CRTC1: variants seen among roughly 807,000 people sequenced by gnomAD.
CRTC1 encodes CREB-regulated transcription coactivator 1.
Under a neutral mutation model 66.1 loss-of-function variants are expected in CRTC1, and 18 were observed. The observed-to-expected ratio is 0.27, with a 90% CI of 0.19 to 0.40. CRTC1 has a LOEUF of 0.40. Ranked by LOEUF, CRTC1 falls within the 10% of genes least tolerant of loss-of-function variation. CRTC1 has a pLI of 1.00. For missense variants in CRTC1, 669 were observed against 887.9 expected, an observed-to-expected ratio of 0.75 and a Z score of 3.13; for synonymous variants, 416 against 398.8, an observed-to-expected ratio of 1.04 and a Z score of -0.51.
At chr19:18,770,853 TGTGGGTGTGCATGC>T (rs1275680844) in intron 10 of CRTC1, among the ~76,000 whole-genome samples, 1 of 148,772 alleles carries the variant, frequency 6.7e-6, no homozygotes, top group Non-Finnish European at 1.5e-5. Flanking sequence ...TGCATGTGGG[TGTGGGTGTGCATGC>T]GTGGGTGTGT....
In CRTC1 at chr19:18,744,468, G is replaced by A. The variant is rs552808958; in HGVS notation, c.244-1355G>A. On this transcript the variant is annotated intron_variant, in intron 2 of 13. Transcript: ENST00000321949. ...CATGTGCCCCAAAGCTGCATGGTCC[G>A]TCCCTATATACACACACACACAAAC... Among the ~76,000 whole-genome samples, 7 of 151,226 alleles carry A rather than the reference G, an allele frequency of 4.6e-5. No individual in the cohort carries two copies. In the South Asian group the frequency reaches 8.4e-4, roughly 18 times the overall value.
In CRTC1 at chr19:18,760,332, TGGG is replaced by T; in HGVS notation, c.886+107_886+109del. The T allele has an allele frequency of 3.0e-6, 3 of 989,760 alleles. No homozygotes were observed. The highest frequency in any genetic ancestry group is 4.5e-6 in the Non-Finnish European group (3 of 666,222). 61.3% of individuals were successfully genotyped at this position (989,760 alleles called of 1,614,324 possible). A position where few individuals can be genotyped will look rare whatever the true frequency, so the allele number is the denominator to read the frequency against. ...GAGTCCCGTTCCAAATACTAGGGCA[TGGG>T]GGACAGGGCTGGGGGGCGGCCGACA... On this transcript the variant is annotated intron_variant, in intron 8 of 13. Coordinates refer to ENST00000321949, the MANE Select transcript of CRTC1 (RefSeq NM_015321.3). The surrounding 1 kb of genome is among the most constrained non-coding windows in gnomAD (Gnocchi z 6.2).
At chr19:18,684,000 G>T (rs2052625954) in intron 1 of CRTC1, among the ~76,000 whole-genome samples, 172 bp downstream of exon 1, 1 of 150,062 alleles carries the variant, frequency 6.7e-6, no homozygotes, top group Non-Finnish European at 1.5e-5. Context: ...CGCCCCGGGC[G>T]TCGTGGGCGG....
intron 1 of CRTC1, among the ~76,000 whole-genome samples, chr19:18,689,217 G>A (rs961294151): frequency 6.6e-6 from 1 of 151,852 alleles, no homozygotes; most frequent in Non-Finnish European, 1.5e-5. Context: ...AAAGTGCTGC[G>A]ATTGCAGGTG....
At chr19:18,758,429 C>T (rs1462356110) in intron 6 of CRTC1, among the ~76,000 whole-genome samples, 1 of 152,004 alleles carries the variant, frequency 6.6e-6, no homozygotes, top group African/African-American at 2.4e-5. Flanking sequence ...TTCAAAGGCT[C>T]TGTGGGCCAC....
chr19:18,753,402 A>C (rs989311478), intron 5 of CRTC1, 98 bp from the exon 6 acceptor site: 1 of 842,124 alleles, frequency 1.2e-6, no homozygotes, highest in Admixed American at 2.2e-5. Flanking sequence ...TACCATGGCC[A>C]TGACTCCGTG....
At chr19:18,742,850 G>A (rs1160757301) in intron 1 of CRTC1, 60 bp from the exon 2 acceptor site, 5 of 1,267,648 alleles carry the variant, frequency 3.9e-6, no homozygotes, top group African/African-American at 1.5e-5. Context: ...TTTGGGGCTG[G>A]CACTCTGAGG....
At chr19:18,707,168 GTA>G (rs1215165484) in intron 1 of CRTC1, among the ~76,000 whole-genome samples, 9 of 152,068 alleles carry the variant, frequency 5.9e-5, no homozygotes, top group Non-Finnish European at 1.2e-4. Flanking sequence ...TATAGTTTTA[GTA>G]TATATAGTTT....
intron 5 of CRTC1, among the ~76,000 whole-genome samples, chr19:18,752,999 C>T (rs998850365): frequency 4.0e-5 from 6 of 151,506 alleles, no homozygotes; most frequent in African/African-American, 9.7e-5. Flanking sequence ...GGCACGGTGG[C>T]GCACACCTGT....
Position 18,779,252 on chromosome 19 carries a change from C to G in CRTC1, c.*1870C>G, listed in dbSNP as rs1003351869. On this transcript the variant is annotated 3_prime_UTR_variant, in exon 14 of 14. Transcript: ENST00000321949. ...TCTGTCCTCAGAGCTGGGTTTGATCCTAGCAACCATCCCTTCCTCTCTTTG... is the reference window on the plus strand; with the variant it reads ...TCTGTCCTCAGAGCTGGGTTTGATCGTAGCAACCATCCCTTCCTCTCTTTG... The G allele has an allele frequency of 1.7e-5, 4 of 230,162 alleles. No individual in the cohort carries two copies. Among genetic ancestry groups the G allele is most frequent in the Admixed American group, 1.7e-4 (3 of 17,666 alleles). The allele number at this position is 230,162 out of a possible 1,614,324, so 14.3% of individuals were successfully genotyped here.
At position 18,743,029 on chromosome 19, in the gene CRTC1, G is replaced by A. The variant is rs747419096; in HGVS notation, c.243+3G>A. On this transcript the variant is annotated splice_donor_region_variant and intron_variant, in intron 2 of 13. Coordinates refer to ENST00000321949, the MANE Select transcript of CRTC1 (RefSeq NM_015321.3). ...GCACCATGGACCTGCCCTTCCAGGT[G>A]AGTGCCCCGCCCCCTGGCCCTGCCC... 6 of 1,606,194 alleles carry A rather than the reference G, an allele frequency of 3.7e-6. No individual in the cohort carries two copies. The South Asian group carries it at 4.4e-5, about 12-fold the overall frequency.
rs1228983993 is a variant in CRTC1 at position 18,741,103 on chromosome 19, C to G, written c.127-1807C>G. On this transcript the variant is annotated intron_variant, in intron 1 of 13. Transcript: ENST00000321949. This position sits in a 1 kb window ranked among gnomAD's most constrained non-coding sequence, Gnocchi z 4.2. ...GGGGCTGTGCTCCGAAGCCTGAGTG[C>G]CTCCAGCAAAGTGGACAGGAGCTGG... Among the ~76,000 whole-genome samples the G allele has an allele frequency of 6.6e-6, 1 of 152,190 alleles. No individual in the cohort carries two copies. The highest frequency in any genetic ancestry group is 1.5e-5 in the Non-Finnish European group (1 of 68,020).
intron 11 of CRTC1, among the ~76,000 whole-genome samples, chr19:18,774,295 G>A (rs2145863842): frequency 6.6e-6 from 1 of 152,320 alleles, no homozygotes; most frequent in South Asian, 2.1e-4. Context: ...TCAAGGGACA[G>A]CCCCTGTCAC....
At chr19:18,703,663 G>T (rs2053198600) in intron 1 of CRTC1, among the ~76,000 whole-genome samples, 1 of 151,894 alleles carries the variant, frequency 6.6e-6, no homozygotes, top group Admixed American at 6.6e-5. Flanking sequence ...GTGTTTCGCT[G>T]TGTTGACCAG....
chr19:18,768,926 C>G lies in CRTC1; in HGVS notation c.1320+133C>G. On this transcript the variant is annotated intron_variant, in intron 10 of 13. Transcript: ENST00000321949. This position sits in a 1 kb window ranked among gnomAD's most constrained non-coding sequence, Gnocchi z 5.6. ...CCCCAGCGAACGCTGCCTGGGCCCA[C>G]CTCTCCACGGGGCTACCCCTTGGAA... 8.6e-7 allele frequency: 1 copy of G among 1,159,330 alleles called. No individual in the cohort carries two copies. Among genetic ancestry groups the G allele is most frequent in the South Asian group, 1.6e-5 (1 of 61,540 alleles). The allele number at this position is 1,159,330 out of a possible 1,614,324, so 71.8% of individuals were successfully genotyped here. A position where few individuals can be genotyped will look rare whatever the true frequency, so the allele number is the denominator to read the frequency against.
At chr19:18,725,042 G>A (rs1435974740) in intron 1 of CRTC1, among the ~76,000 whole-genome samples, 1 of 152,002 alleles carries the variant, frequency 6.6e-6, no homozygotes, top group African/African-American at 2.4e-5. Context: ...CCTTGGACCC[G>A]CCTGGAGCTG....
chr19:18,768,883 A>G lies in CRTC1; in HGVS notation c.1320+90A>G. On this transcript the variant is annotated intron_variant, in intron 10 of 13. Coordinates refer to ENST00000321949, the MANE Select transcript of CRTC1 (RefSeq NM_015321.3). This position sits in a 1 kb window ranked among gnomAD's most constrained non-coding sequence, Gnocchi z 5.6. Reference sequence around the variant, plus strand: ...GCAGAACAGTCGGGTTACCTGCTGCATGGGCCAGGGGTCAGAACCCCAGCG... The same window carrying G: ...GCAGAACAGTCGGGTTACCTGCTGCGTGGGCCAGGGGTCAGAACCCCAGCG... 2.7e-6 allele frequency: 4 copies of G among 1,463,792 alleles called. No individual in the cohort carries two copies. Among genetic ancestry groups the G allele is most frequent in the South Asian group, 2.8e-5 (2 of 72,556 alleles). 90.7% of individuals were successfully genotyped at this position (1,463,792 alleles called of 1,614,324 possible).
At chr19:18,717,771 C>G (rs1034471916) in intron 1 of CRTC1, among the ~76,000 whole-genome samples, 2 of 152,062 alleles carry the variant, frequency 1.3e-5, no homozygotes, top group African/African-American at 4.8e-5. Flanking sequence ...GAGGGCCTCT[C>G]GCAGGACGGT....
At chr19:18,767,446 G>C (rs948751644) in intron 9 of CRTC1, among the ~76,000 whole-genome samples, 4 of 152,158 alleles carry the variant, frequency 2.6e-5, no homozygotes, top group African/African-American at 4.8e-5. Flanking sequence ...TGATCACCCT[G>C]TCTCAGCTTT....
Sources: gnomAD v4.1 joint callset for allele counts (sites outside exome capture counted in the v4.1 genomes callset) on GRCh38, gnomAD v4.1.1 for gene constraint, Gnocchi (gnomAD v3.1) non-coding constraint, MANE v1.5 for transcripts, NCBI Gene and HGNC (gene_info 2026-07-23, HGNC 2026-07-21) for gene names.